MARCHF1: variants seen among roughly 807,000 people sequenced by gnomAD.
MARCHF1 encodes E3 ubiquitin-protein ligase MARCHF1.
MARCHF1 carries 40 observed loss-of-function variants against 54.2 expected under a neutral mutation model. The ratio of observed to expected loss-of-function variants is 0.74; its 90% CI spans 0.57 to 0.96. The LOEUF (loss-of-function observed/expected upper bound fraction) is 0.96. MARCHF1 is among the 40% of genes least tolerant of loss of function. MARCHF1 has a pLI of 0.00. For synonymous variants in MARCHF1, 236 were observed against 236.3 expected, an observed-to-expected ratio of 1.00 and a Z score of 0.01; for missense variants, 586 against 656.5, an observed-to-expected ratio of 0.89 and a Z score of 1.17.
intron 2 of MARCHF1, among the ~76,000 whole-genome samples, chr4:164,062,487 A>G (rs1025300544): frequency 3.3e-5 from 5 of 152,064 alleles, no homozygotes. Flanking sequence ...CTATATATGG[A>G]TACTACAACA....
intron 3 of MARCHF1, among the ~76,000 whole-genome samples, chr4:163,872,181 C>G (rs1408063708): frequency 2.6e-5 from 4 of 152,148 alleles, no homozygotes; most frequent in African/African-American, 9.7e-5. Flanking sequence ...TTGCATTGGC[C>G]AGCCCTTTTG....
At chr4:163,847,439 A>G (rs1749516585) in intron 4 of MARCHF1, among the ~76,000 whole-genome samples, 1 of 152,050 alleles carries the variant, frequency 6.6e-6, no homozygotes, top group African/African-American at 2.4e-5. Context: ...TTTATGTTAA[A>G]TTAGAAAAAT....
intron 1 of MARCHF1, among the ~76,000 whole-genome samples, chr4:164,360,181 G>A (rs1472320635): frequency 1.3e-5 from 2 of 151,920 alleles, no homozygotes; most frequent in Non-Finnish European, 2.9e-5. Context: ...TACCAGGTTT[G>A]TCTGCAAGAT....
chr4:164,237,509 TAAG>T (rs1169898925), intron 1 of MARCHF1, among the ~76,000 whole-genome samples: 11 of 152,028 alleles, frequency 7.2e-5, no homozygotes, highest in Non-Finnish European at 1.3e-4. Context: ...CAACCCATAA[TAAG>T]AAATACATTT....
chr4:164,013,048 G>A (rs1438161081), intron 2 of MARCHF1, among the ~76,000 whole-genome samples: 1 of 152,112 alleles, frequency 6.6e-6, no homozygotes, highest in Admixed American at 6.5e-5. Context: ...ACACACAAAA[G>A]AAGGCACTAG....
rs546602438 is a variant in MARCHF1, at chr4:164,316,042, G to T, written c.-323+67828C>A. Among the ~76,000 whole-genome samples, 5 of 152,198 alleles carry T rather than the reference G, an allele frequency of 3.3e-5. No homozygotes were observed. The South Asian group carries it at 1.0e-3, about 32-fold the overall frequency. Reference sequence around the variant, plus strand: ...TAATTTGTAAACTGGAAGTGATAATGAATACTCCTCTCAATGGGTTATTGC... The same window carrying T: ...TAATTTGTAAACTGGAAGTGATAATTAATACTCCTCTCAATGGGTTATTGC... On this transcript the variant is annotated intron_variant, in intron 1 of 9. Transcript: ENST00000514618.
At chr4:164,369,977 A>G (rs1215640312) in intron 1 of MARCHF1, among the ~76,000 whole-genome samples, 2 of 152,248 alleles carry the variant, frequency 1.3e-5, no homozygotes, top group African/African-American at 2.4e-5. Flanking sequence ...TATTACAACA[A>G]AAACCATAAT....
intron 4 of MARCHF1, among the ~76,000 whole-genome samples, chr4:163,852,867 A>G (rs969404778): frequency 5.9e-5 from 9 of 152,156 alleles, no homozygotes; most frequent in African/African-American, 9.7e-5. Flanking sequence ...TGGTATTAGG[A>G]GGTGGAGCCT....
At chr4:164,099,414 C>A (rs982737260) in intron 2 of MARCHF1, among the ~76,000 whole-genome samples, 1 of 152,108 alleles carries the variant, frequency 6.6e-6, no homozygotes, top group African/African-American at 2.4e-5. Flanking sequence ...GTACAAATTT[C>A]TTTGTCAAAA....
intron 2 of MARCHF1, among the ~76,000 whole-genome samples, chr4:164,101,005 T>G (rs552077720): frequency 1.6e-4 from 24 of 152,194 alleles, no homozygotes; most frequent in Non-Finnish European, 2.9e-4. Flanking sequence ...GGTGACGGAC[T>G]GCACCTGGAA....
intron 8 of MARCHF1, among the ~76,000 whole-genome samples, chr4:163,549,309 C>T (rs999431800): frequency 6.6e-6 from 1 of 151,824 alleles, no homozygotes; most frequent in Non-Finnish European, 1.5e-5. Flanking sequence ...TTGCTTGGGC[C>T]TGAGTCGAAT....
intron 1 of MARCHF1, among the ~76,000 whole-genome samples, chr4:164,177,834 G>GAGACAAAGACACACACACACACACAC (rs1560941089): frequency 1.5e-5 from 2 of 133,890 alleles, no homozygotes; most frequent in African/African-American, 5.1e-5. Context: ...CACACACACA[G>GAGACAAAGACACACACACACACACAC]AGAGACAAAG....
At chr4:164,308,040 C>T (rs2111415262) in intron 1 of MARCHF1, among the ~76,000 whole-genome samples, 1 of 152,232 alleles carries the variant, frequency 6.6e-6, no homozygotes, top group Admixed American at 6.5e-5. Context: ...TGCCAGATGG[C>T]TTAACTATAC....
chr4:164,367,876 A>G (rs13148592), intron 1 of MARCHF1, among the ~76,000 whole-genome samples: 62,617 of 151,638 alleles, frequency 0.41, 13,822 homozygotes, highest in Non-Finnish European at 0.49. Context: ...TTTGTTTAGT[A>G]TCTTTTGTAT....
intron 1 of MARCHF1, among the ~76,000 whole-genome samples, chr4:164,331,753 A>G (rs1021220352): frequency 6.6e-6 from 1 of 152,200 alleles, no homozygotes; most frequent in Non-Finnish European, 1.5e-5. Context: ...TGATAAAAAG[A>G]AAATCTCTGA....
chr4:163,638,996 T>C (rs1742454073), intron 5 of MARCHF1, among the ~76,000 whole-genome samples: 1 of 152,022 alleles, frequency 6.6e-6, no homozygotes, highest in Non-Finnish European at 1.5e-5. Flanking sequence ...ACCAAATTTA[T>C]ATATAGAGAA....
intron 4 of MARCHF1, among the ~76,000 whole-genome samples, chr4:163,779,050 C>CA (rs1747387612): frequency 6.6e-6 from 1 of 152,126 alleles, no homozygotes; most frequent in Non-Finnish European, 1.5e-5. Context: ...CTCCTCTTTT[C>CA]AAAAATGTAT....
At chr4:163,571,016 A>G (rs1047956352) in intron 8 of MARCHF1, among the ~76,000 whole-genome samples, 5 of 152,050 alleles carry the variant, frequency 3.3e-5, no homozygotes, top group African/African-American at 1.2e-4. Flanking sequence ...TCCTCATCCA[A>G]TTTGGACAGG....
chr4:163,793,473 T>C (rs912464935), intron 4 of MARCHF1, among the ~76,000 whole-genome samples: 2 of 152,198 alleles, frequency 1.3e-5, no homozygotes, highest in African/African-American at 4.8e-5. Context: ...GGATATTTCC[T>C]GGCTTCAAAG....
Sources: gnomAD v4.1 joint callset for allele counts (sites outside exome capture counted in the v4.1 genomes callset) on GRCh38, gnomAD v4.1.1 for gene constraint, MANE v1.5 for transcripts, NCBI Gene and HGNC (gene_info 2026-07-23, HGNC 2026-07-21) for gene names.